Variants in TSHZ3 observed in about 807,000 individuals in gnomAD.
The protein encoded by TSHZ3 is teashirt zinc finger homeobox 3.
In TSHZ3, 10 loss-of-function variants were observed where a neutral mutation model predicts 64.5. The ratio of observed to expected loss-of-function variants is 0.16; its 90% confidence interval spans 0.10 to 0.26. The LOEUF is 0.26. TSHZ3 is among the 10% of genes least tolerant of loss of function. The pLI, the probability that TSHZ3 is intolerant of heterozygous loss-of-function variation, is 1.00. For missense variants in TSHZ3, 1,242 were observed against 1,421.7 expected (o/e 0.87, Z 2.03); for synonymous variants, 608 against 593.1 (o/e 1.03, Z -0.36).
At chr19:31,158,561 CAA>C (rs979415575) in intron 5 of TSHZ3, among the ~76,000 whole-genome samples, 1 of 152,122 alleles carries the variant, frequency 6.6e-6, no homozygotes, top group Non-Finnish European at 1.5e-5. Flanking sequence ...TCGTGGAAGA[CAA>C]GGTTTCCACG....
chr19:31,272,996 C>T (rs189044457), downstream of TSHZ3, among the ~76,000 whole-genome samples: 98 of 152,284 alleles, frequency 6.4e-4, no homozygotes, highest in Non-Finnish European at 8.2e-4. Flanking sequence ...ATGAGCACTA[C>T]GACAGACGCG....
intron 5 of TSHZ3, among the ~76,000 whole-genome samples, chr19:31,158,694 A>G (rs763412353): frequency 2.0e-5 from 3 of 152,200 alleles, no homozygotes; most frequent in Admixed American, 2.0e-4. Context: ...ACCATAATGT[A>G]GAATCAGTGG....
At chr19:31,255,385 C>T (rs1386783968) in intron 1 of TSHZ3, among the ~76,000 whole-genome samples, 1 of 152,152 alleles carries the variant, frequency 6.6e-6, no homozygotes, top group East Asian at 1.9e-4. Context: ...TGCTTCATAA[C>T]TCACCATGTT....
chr19:31,335,114 G>A (rs1042151110), intron 1 of TSHZ3, among the ~76,000 whole-genome samples: 1 of 152,152 alleles, frequency 6.6e-6, no homozygotes, highest in African/African-American at 2.4e-5. Flanking sequence ...TTAAGAGGGA[G>A]CAAATCTCAC....
chr19:31,169,258 T>C (rs1348697444), intron 5 of TSHZ3, among the ~76,000 whole-genome samples: 4 of 152,180 alleles, frequency 2.6e-5, no homozygotes, highest in African/African-American at 9.7e-5. Context: ...AGAATAACCA[T>C]ATGACCCAGC....
At chr19:31,205,275 T>C (rs1975150458) in intron 4 of TSHZ3, among the ~76,000 whole-genome samples, 1 of 152,318 alleles carries the variant, frequency 6.6e-6, no homozygotes, top group South Asian at 2.1e-4. Flanking sequence ...ATTTTTATAA[T>C]TTATCATCTA....
chr19:31,180,408 G>A (rs919178630), intron 5 of TSHZ3, among the ~76,000 whole-genome samples: 5 of 152,146 alleles, frequency 3.3e-5, no homozygotes. Flanking sequence ...GTTTTCTCTG[G>A]TGCACGTTTC....
intron 1 of TSHZ3, among the ~76,000 whole-genome samples, chr19:31,300,643 G>T (rs1976739972): frequency 6.6e-6 from 1 of 152,134 alleles, no homozygotes; most frequent in Non-Finnish European, 1.5e-5. Flanking sequence ...AGCGTGCATG[G>T]AGCTGACGCC....
At chr19:31,325,167 C>G (rs1334592702) in intron 1 of TSHZ3, among the ~76,000 whole-genome samples, 1 of 152,180 alleles carries the variant, frequency 6.6e-6, no homozygotes, top group Admixed American at 6.5e-5. Flanking sequence ...TCTGAGCGAC[C>G]TCAGGTAATG....
intron 1 of TSHZ3, among the ~76,000 whole-genome samples, chr19:31,307,087 T>C (rs1207276072): frequency 7.2e-5 from 11 of 151,934 alleles, no homozygotes; most frequent in African/African-American, 2.2e-4. Flanking sequence ...CAAAGCCTTG[T>C]AAATAACATC....
chr19:31,228,771 C>G (rs968740478), intron 3 of TSHZ3, among the ~76,000 whole-genome samples: 1 of 152,078 alleles, frequency 6.6e-6, no homozygotes, highest in African/African-American at 2.4e-5. Flanking sequence ...TTAAGCAGAG[C>G]CTGCACAGAA....
chr19:31,334,626 C>T (rs1412011461), intron 1 of TSHZ3, among the ~76,000 whole-genome samples: 1 of 152,166 alleles, frequency 6.6e-6, no homozygotes, highest in South Asian at 2.1e-4. Context: ...ACCAAAATGA[C>T]TTCCAGGTAA....
Position 31,202,443 on chromosome 19 carries a change from T to C in TSHZ3, n.809+2513A>G, listed in dbSNP as rs543161099. Among the ~76,000 whole-genome samples, 48 of 152,310 alleles carry C rather than the reference T, an allele frequency of 3.2e-4. No individual in the cohort carries two copies. The South Asian group carries it at 3.9e-3, about 13-fold the overall frequency. ...TGATATTCCAAGCTATTTGCTGTTT[T>C]GTAATTTTTTCAATTCATATAACCA... On this transcript the variant is annotated intron_variant and non_coding_transcript_variant, in intron 5 of 6. Coordinates refer to the TSHZ3 transcript ENST00000651361.
At position 31,277,268 on chromosome 19, in the gene TSHZ3, T is replaced by C; in HGVS notation, c.2525A>G (p.Asn842Ser). The change falls in exon 2 of 2, where the codon AAT becomes AGT. Residue 842 changes from asparagine (N) to serine (S), a missense_variant. Around this residue, in one of 4 missense-constraint regions of TSHZ3, gnomAD observed 550 missense variants for 545.1 expected, o/e 1.01. Coordinates refer to ENST00000240587, the MANE Select transcript of TSHZ3 (RefSeq NM_020856.4). The surrounding 1 kb of genome is among the most constrained non-coding windows in gnomAD (Gnocchi z 4.5). ...CATATCGGATATATCTGACAAGGCA[T>C]TCTCGCGTAGCGGCGAGTTTGACAT... ...SFMSNSPLRE[N>S]ALSDISDMLK... 1.9e-6 allele frequency: 3 copies of C among 1,614,096 alleles called. No homozygotes were observed. The highest frequency in any genetic ancestry group is 2.5e-6 in the Non-Finnish European group (3 of 1,179,936).
chr19:31,197,456 A>C (rs1235313012), intron 5 of TSHZ3, among the ~76,000 whole-genome samples: 1 of 151,750 alleles, frequency 6.6e-6, no homozygotes, highest in East Asian at 1.9e-4. Context: ...AAAAAATGAA[A>C]ATTAGAAGAG....
chr19:31,287,596 A>T (rs1031555363), intron 1 of TSHZ3, among the ~76,000 whole-genome samples: 1 of 151,836 alleles, frequency 6.6e-6, no homozygotes, highest in African/African-American at 2.4e-5. Context: ...AGGGAGAAAG[A>T]GAGATGGGAG....
At chr19:31,243,240 T>C (rs1044437205) in intron 1 of TSHZ3, among the ~76,000 whole-genome samples, 1 of 152,188 alleles carries the variant, frequency 6.6e-6, no homozygotes, top group Non-Finnish European at 1.5e-5. Flanking sequence ...TTGATGGATT[T>C]TTTTTCTCCA....
At chr19:31,324,373 T>C (rs1445421248) in intron 1 of TSHZ3, among the ~76,000 whole-genome samples, 2 of 152,220 alleles carry the variant, frequency 1.3e-5, no homozygotes, top group African/African-American at 2.4e-5. Context: ...CTCCCGCATA[T>C]AAACAATTGT....
intron 1 of TSHZ3, among the ~76,000 whole-genome samples, chr19:31,286,989 A>G (rs964457621): frequency 6.6e-6 from 1 of 152,250 alleles, no homozygotes; most frequent in Admixed American, 6.5e-5. Context: ...TATGTGTCAT[A>G]TAAATATAAA....
Sources: allele counts gnomAD v4.1 joint callset (sites outside exome capture counted in the v4.1 genomes callset), GRCh38; gene constraint gnomAD v4.1.1; regional missense constraint gnomAD v4.1.1; non-coding constraint Gnocchi (gnomAD v3.1); transcripts MANE v1.5; gene names NCBI Gene and HGNC (gene_info 2026-07-23, HGNC 2026-07-21).